Variants in MACROD2 observed in about 807,000 individuals in gnomAD.
The protein encoded by MACROD2 is mono-ADP ribosylhydrolase 2.
Under a neutral mutation model 70.4 loss-of-function variants are expected in MACROD2, and 36 were observed. The ratio of observed to expected loss-of-function variants is 0.51; its 90% CI spans 0.39 to 0.68. The LOEUF (loss-of-function observed/expected upper bound fraction) is 0.68, where lower values mean the gene tolerates loss of function less well. MACROD2 is among the 30% of genes least tolerant of loss of function. The probability of loss-of-function intolerance (pLI) is 0.00; values close to 1 mark genes in which losing one functional copy is unlikely to be tolerated. For synonymous variants in MACROD2, 172 were observed against 178.8 expected (o/e 0.96, Z 0.30); for missense variants, 496 against 538.4 (o/e 0.92, Z 0.78).
At chr20:15,435,323 A>G (rs140962515) in intron 7 of MACROD2, among the ~76,000 whole-genome samples, 1 of 152,284 alleles carries the variant, frequency 6.6e-6, no homozygotes, top group African/African-American at 2.4e-5. Flanking sequence ...ATGTATCTAT[A>G]ATTCATTAAC....
intron 9 of MACROD2, among the ~76,000 whole-genome samples, chr20:15,869,893 G>GAC (rs2064555655): frequency 6.6e-6 from 1 of 151,958 alleles, no homozygotes; most frequent in Admixed American, 6.6e-5. Context: ...CACTTTACTT[G>GAC]AGTACGTGAA....
chr20:15,529,786 T>C (rs540730526), intron 8 of MACROD2, among the ~76,000 whole-genome samples: 2 of 152,288 alleles, frequency 1.3e-5, no homozygotes, highest in African/African-American at 2.4e-5. Context: ...ACCGATTATG[T>C]TGACATTTAA....
intron 8 of MACROD2, among the ~76,000 whole-genome samples, chr20:15,565,642 G>A (rs573572784): frequency 9.2e-5 from 14 of 152,096 alleles, no homozygotes; most frequent in Non-Finnish European, 2.1e-4. Flanking sequence ...TAGAGACAAG[G>A]TCTCACTCTG....
intron 2 of MACROD2, among the ~76,000 whole-genome samples, chr20:14,076,456 G>GCA (rs2053917500): frequency 6.6e-6 from 1 of 151,856 alleles, no homozygotes; most frequent in Admixed American, 6.6e-5. Context: ...TTCAAAATCA[G>GCA]TCTGGGCAAC....
chr20:15,080,898 G>T (rs544047926), intron 5 of MACROD2, among the ~76,000 whole-genome samples: 1 of 151,492 alleles, frequency 6.6e-6, no homozygotes, highest in African/African-American at 2.4e-5. Context: ...CTTCTTTCTC[G>T]CCTTTTCTCC....
intron 5 of MACROD2, among the ~76,000 whole-genome samples, chr20:15,043,491 A>C (rs551341035): frequency 1.3e-5 from 2 of 152,196 alleles, no homozygotes; most frequent in Admixed American, 1.3e-4. Context: ...GCACACCCAC[A>C]TTCTCTCTCT....
chr20:16,041,255 T>C lies in MACROD2; in HGVS notation c.1208T>C (p.Leu403Pro), dbSNP rs761895138. ...GGGAAAAGTGAAGGCTCCAGTGACC[T>C]AGAAAATACTCCAGGTCCTGATGGT... ...MPGKSEGSSD[L>P]ENTPGPDVEM... Residue 403 changes from leucine (L) to proline (P), a missense_variant, in exon 16 of 18, where the codon CTA becomes CCA. By Grantham distance (98) the Leu-to-Pro change is moderately conservative (BLOSUM62 -3). Transcript: ENST00000684519. 3 of 1,612,108 alleles carry C rather than the reference T, an allele frequency of 1.9e-6. No individual in the cohort carries two copies. The highest frequency in any genetic ancestry group is 4.5e-5 in the East Asian group (2 of 44,786).
intron 5 of MACROD2, among the ~76,000 whole-genome samples, chr20:15,146,021 A>G (rs1368456134): frequency 6.6e-6 from 1 of 152,160 alleles, no homozygotes; most frequent in African/African-American, 2.4e-5. Context: ...AGATAATATA[A>G]TTTATGATTT....
At chr20:14,267,755 G>A (rs1282078440) in intron 3 of MACROD2, among the ~76,000 whole-genome samples, 1 of 152,070 alleles carries the variant, frequency 6.6e-6, no homozygotes, top group Non-Finnish European at 1.5e-5. Context: ...ATCTTTCTCA[G>A]TAAGCCTCTA....
At chr20:14,270,139 A>G (rs1706499783) in intron 3 of MACROD2, among the ~76,000 whole-genome samples, 1 of 152,158 alleles carries the variant, frequency 6.6e-6, no homozygotes, top group South Asian at 2.1e-4. Context: ...TAAGGCTCAT[A>G]AAGCTTTAAT....
At chr20:14,595,417 C>A (rs1482223791) in intron 4 of MACROD2, among the ~76,000 whole-genome samples, 1 of 152,198 alleles carries the variant, frequency 6.6e-6, no homozygotes, top group Non-Finnish European at 1.5e-5. Context: ...CTGCAAACAA[C>A]GCGAACTTCT....
At chr20:14,115,917 A>T (rs1394824529) in intron 3 of MACROD2, among the ~76,000 whole-genome samples, 1 of 152,234 alleles carries the variant, frequency 6.6e-6, no homozygotes, top group Non-Finnish European at 1.5e-5. Context: ...AAACATTATC[A>T]TTCACATAAG....
intron 3 of MACROD2, among the ~76,000 whole-genome samples, chr20:14,440,363 G>T (rs915073): frequency 0.96 from 143,764 of 150,006 alleles, 69,110 homozygotes; most frequent in Non-Finnish European, 1. Flanking sequence ...TTTTTTTTTT[G>T]GTTTTAGCTC....
intron 8 of MACROD2, among the ~76,000 whole-genome samples, chr20:15,799,625 A>G (rs1175663726): frequency 2.0e-5 from 3 of 152,198 alleles, no homozygotes; most frequent in Admixed American, 6.5e-5. Context: ...ACAGAATTTC[A>G]TTATTTTTAT....
intron 3 of MACROD2, among the ~76,000 whole-genome samples, chr20:14,482,504 G>A (rs2084674424): frequency 6.6e-6 from 1 of 151,080 alleles, no homozygotes; most frequent in African/African-American, 2.4e-5. Context: ...TGTGCAAGAA[G>A]TTAGTTCAAA....
chr20:15,577,300 T>C (rs1205581776), intron 8 of MACROD2, among the ~76,000 whole-genome samples: 1 of 151,892 alleles, frequency 6.6e-6, no homozygotes, highest in Non-Finnish European at 1.5e-5. Flanking sequence ...TCGACTCACA[T>C]CTACTCAGAG....
At chr20:15,912,739 G>C (rs530635048) in intron 10 of MACROD2, among the ~76,000 whole-genome samples, 1 of 152,252 alleles carries the variant, frequency 6.6e-6, no homozygotes, top group South Asian at 2.1e-4. Context: ...TGTTGGAACC[G>C]AGAATAAAAA....
At chr20:15,962,099 T>G (rs7352227) in intron 12 of MACROD2, among the ~76,000 whole-genome samples, 1 of 152,204 alleles carries the variant, frequency 6.6e-6, no homozygotes, top group Non-Finnish European at 1.5e-5. Context: ...GATTCTTTGT[T>G]GAGTCGCTGA....
chr20:14,206,108 G>A (rs555414623), intron 3 of MACROD2, among the ~76,000 whole-genome samples: 1 of 152,294 alleles, frequency 6.6e-6, no homozygotes, highest in African/African-American at 2.4e-5. Flanking sequence ...GGGGGTGGGA[G>A]TGGGGTTGTA....
Sources: allele counts gnomAD v4.1 joint callset (sites outside exome capture counted in the v4.1 genomes callset), GRCh38; gene constraint gnomAD v4.1.1; transcripts MANE v1.5; gene names NCBI Gene and HGNC (gene_info 2026-07-23, HGNC 2026-07-21).